The following CNTNAP2 variants were observed in gnomAD, a reference collection of about 807,000 sequenced individuals.
The protein encoded by CNTNAP2 is contactin-associated protein-like 2.
Under a neutral mutation model 155.2 loss-of-function variants are expected in CNTNAP2, and 98 were observed. That is an observed-to-expected ratio of 0.63 (90% CI 0.54 to 0.75). The LOEUF (loss-of-function observed/expected upper bound fraction) is 0.75. Among genes scored for constraint, CNTNAP2 ranks in the 30% least tolerant of loss-of-function variants. The pLI is 0.00. For synonymous variants in CNTNAP2, 651 were observed against 631.2 expected (o/e 1.03, Z -0.47); for missense variants, 1,727 against 1,688.1 (o/e 1.02, Z -0.40).
chr7:147,214,382 T>C (rs1334715582), intron 8 of CNTNAP2, among the ~76,000 whole-genome samples: 3 of 152,150 alleles, frequency 2.0e-5, no homozygotes, highest in Non-Finnish European at 2.9e-5. Context: ...GGCTAAGTTA[T>C]TTAACCTCTC....
At chr7:147,728,932 T>C (rs1234012000) in intron 13 of CNTNAP2, among the ~76,000 whole-genome samples, 2 of 150,918 alleles carry the variant, frequency 1.3e-5, no homozygotes, top group Non-Finnish European at 3.0e-5. Flanking sequence ...AAACAGGAAA[T>C]AGAAAAAGAA....
chr7:146,906,626 G>A (rs986475423), intron 3 of CNTNAP2, among the ~76,000 whole-genome samples: 3 of 151,996 alleles, frequency 2.0e-5, no homozygotes, highest in African/African-American at 7.3e-5. Flanking sequence ...AAATAGAAAG[G>A]ACATCCACAC....
chr7:148,134,398 A>G (rs2116632898), intron 16 of CNTNAP2, among the ~76,000 whole-genome samples: 1 of 152,236 alleles, frequency 6.6e-6, no homozygotes, highest in East Asian at 1.9e-4. Flanking sequence ...TTTAAACATC[A>G]GAACATGCTG....
intron 1 of CNTNAP2, among the ~76,000 whole-genome samples, chr7:146,630,451 C>T (rs1313040231): frequency 6.6e-6 from 1 of 151,928 alleles, no homozygotes; most frequent in African/African-American, 2.4e-5. Flanking sequence ...CATGTGTGTG[C>T]ATGTGTCTTT....
chr7:146,285,464 A>G (rs1026002093), intron 1 of CNTNAP2, among the ~76,000 whole-genome samples: 1 of 152,112 alleles, frequency 6.6e-6, no homozygotes, highest in Non-Finnish European at 1.5e-5. Context: ...AAATTTGTAT[A>G]CCACCGAGAA....
intron 18 of CNTNAP2, among the ~76,000 whole-genome samples, chr7:148,174,746 C>T (rs1040282903): frequency 2.0e-5 from 3 of 152,138 alleles, no homozygotes; most frequent in Admixed American, 6.5e-5. Context: ...AGTATTTTTT[C>T]TTATTTTATT....
At chr7:148,353,672 C>A (rs982376104) in intron 21 of CNTNAP2, among the ~76,000 whole-genome samples, 4 of 152,138 alleles carry the variant, frequency 2.6e-5, no homozygotes, top group Admixed American at 6.5e-5. Flanking sequence ...CACACACGCA[C>A]ACACAAGTAT....
At chr7:148,365,812 G>A (rs1259212109) in intron 21 of CNTNAP2, among the ~76,000 whole-genome samples, 1 of 117,062 alleles carries the variant, frequency 8.5e-6, no homozygotes, top group African/African-American at 3.4e-5. Flanking sequence ...GTGTATGCAT[G>A]TATACATGCA....
At chr7:146,592,226 G>A (rs927270266) in intron 1 of CNTNAP2, among the ~76,000 whole-genome samples, 1 of 152,164 alleles carries the variant, frequency 6.6e-6, no homozygotes, top group African/African-American at 2.4e-5. Flanking sequence ...TCTGAGATGA[G>A]GATCTCTGTG....
At chr7:147,578,812 G>A (rs986002343) in intron 12 of CNTNAP2, among the ~76,000 whole-genome samples, 10 of 151,838 alleles carry the variant, frequency 6.6e-5, no homozygotes, top group Admixed American at 1.3e-4. Context: ...TGTGTATTAC[G>A]AAATTAAAGT....
intron 1 of CNTNAP2, among the ~76,000 whole-genome samples, chr7:146,127,791 A>C (rs547059804): frequency 3.3e-5 from 5 of 152,188 alleles, no homozygotes; most frequent in Admixed American, 6.5e-5. Flanking sequence ...GATGTCACCA[A>C]ATCTTCTAAA....
At chr7:148,197,669 T>A (rs905348048) in intron 18 of CNTNAP2, among the ~76,000 whole-genome samples, 1 of 152,074 alleles carries the variant, frequency 6.6e-6, no homozygotes, top group Non-Finnish European at 1.5e-5. Context: ...CAAAGAAAAA[T>A]TAAATTGAAT....
intron 8 of CNTNAP2, among the ~76,000 whole-genome samples, chr7:147,261,521 G>A (rs569012797): frequency 8.6e-5 from 13 of 151,554 alleles, no homozygotes; most frequent in East Asian, 1.9e-4. Context: ...AAAACCTCTC[G>A]GTACTTGTTC....
intron 8 of CNTNAP2, among the ~76,000 whole-genome samples, chr7:147,272,624 G>A (rs1804778723): frequency 6.6e-6 from 1 of 151,728 alleles, no homozygotes; most frequent in African/African-American, 2.4e-5. Flanking sequence ...TCAGCCTCTC[G>A]AGTAGCTGGG....
chr7:147,152,429 A>G (rs1801845728), intron 8 of CNTNAP2, among the ~76,000 whole-genome samples: 1 of 152,054 alleles, frequency 6.6e-6, no homozygotes, highest in Non-Finnish European at 1.5e-5. Flanking sequence ...CCTTTGTAAA[A>G]TGGTATAATG....
chr7:146,597,947 G>A (rs751226809), intron 1 of CNTNAP2, among the ~76,000 whole-genome samples: 1 of 152,154 alleles, frequency 6.6e-6, no homozygotes, highest in Non-Finnish European at 1.5e-5. Flanking sequence ...CTCCTCTGAA[G>A]AACACTGCAG....
intron 11 of CNTNAP2, among the ~76,000 whole-genome samples, chr7:147,541,488 A>T (rs1184978346): frequency 6.6e-6 from 1 of 152,218 alleles, no homozygotes; most frequent in East Asian, 1.9e-4. Flanking sequence ...AGTTACAGTG[A>T]GGGAGATAGA....
intron 13 of CNTNAP2, among the ~76,000 whole-genome samples, chr7:147,824,971 G>A (rs1342970230): frequency 1.3e-5 from 2 of 152,034 alleles, no homozygotes; most frequent in East Asian, 3.9e-4. Flanking sequence ...CTCAAGTAAT[G>A]GAAAGGAAAT....
At chr7:147,828,866 C>A (rs1480766595) in intron 13 of CNTNAP2, among the ~76,000 whole-genome samples, 1 of 152,168 alleles carries the variant, frequency 6.6e-6, no homozygotes, top group Non-Finnish European at 1.5e-5. Flanking sequence ...GAACATTTAT[C>A]ACCTTCAAAG....
Sources: allele counts gnomAD v4.1 joint callset (sites outside exome capture counted in the v4.1 genomes callset), GRCh38; gene constraint gnomAD v4.1.1; transcripts MANE v1.5; gene names NCBI Gene and HGNC (gene_info 2026-07-23, HGNC 2026-07-21).